The following ARAP3 variants were observed in gnomAD, a reference collection of about 807,000 sequenced individuals.
ARAP3 encodes the protein arf-GAP with Rho-GAP domain, ANK repeat and PH domain-containing protein 3.
ARAP3 carries 82 observed loss-of-function variants against 169.2 expected under a neutral mutation model. The ratio of observed to expected loss-of-function variants is 0.48; its 90% CI spans 0.41 to 0.58. ARAP3 has a LOEUF of 0.58. Ranked by LOEUF, ARAP3 falls within the 20% of genes least tolerant of loss-of-function variation. The probability of loss-of-function intolerance (pLI) is 0.00; values close to 1 mark genes in which losing one functional copy is unlikely to be tolerated. For synonymous variants in ARAP3, 791 were observed against 800.3 expected, an observed-to-expected ratio of 0.99 and a Z score of 0.20; for missense variants, 1,764 against 2,018.0, an observed-to-expected ratio of 0.87 and a Z score of 2.41.
At chr5:141,664,315 C>T (rs2099910353) in intron 19 of ARAP3, among the ~76,000 whole-genome samples, 2 of 151,984 alleles carry the variant, frequency 1.3e-5, no homozygotes, top group Admixed American at 1.3e-4. Flanking sequence ...ACCCGAGAAG[C>T]GGAGGTTGCA....
At chr5:141,675,808 T>C (rs1409991662) in intron 4 of ARAP3, among the ~76,000 whole-genome samples, 1 of 152,124 alleles carries the variant, frequency 6.6e-6, no homozygotes, top group Non-Finnish European at 1.5e-5. Flanking sequence ...CACTGAGAAA[T>C]TGAAGTAATC....
chr5:141,658,774 A>AG, intron 23 of ARAP3, 121 bp from the exon 24 acceptor site: 5 of 825,042 alleles, frequency 6.1e-6, no homozygotes, highest in South Asian at 3.8e-5. Flanking sequence ...TCCCAACCCC[A>AG]ATGTCACTCA....
At position 141,672,823 on chromosome 5, in the gene ARAP3, CCCGTGCGGA is replaced by C; in HGVS notation, c.1187_1195del (p.Leu396_Gly399delinsArg). The C allele has an allele frequency of 6.2e-7, 1 of 1,613,862 alleles. No homozygotes were observed. The highest frequency in any genetic ancestry group is 8.5e-7 in the Non-Finnish European group (1 of 1,179,904). On this transcript the variant is annotated inframe_deletion, in exon 8 of 33. Coordinates refer to ENST00000239440, the MANE Select transcript of ARAP3 (RefSeq NM_022481.6). This position sits in a 1 kb window ranked among gnomAD's most constrained non-coding sequence, Gnocchi z 4.9. ...CTTGTGTCCACGCAGCTCCAGCATG[CCCGTGCGGA>C]GGGGTCGGGGTGGTTGGGGGGGCCG...
Position 141,680,317 on chromosome 5 carries a change from C to A in ARAP3, c.170G>T (p.Arg57Leu). 2 of 1,614,246 alleles carry A rather than the reference C, an allele frequency of 1.2e-6. No homozygotes were observed. The highest frequency in any genetic ancestry group is 8.5e-7 in the Non-Finnish European group (1 of 1,180,034). ...GCCTGTCTGTAGCAGGCGTAGAATG[C>A]GTTTCCGGTGCCCTGTGGCGCTGAT... ...LGISATGHRK[R>L]ILRLLQTGTE... Residue 57 changes from arginine (R) to leucine (L), a missense_variant, in exon 2 of 33, where the codon CGC (arginine) becomes CTC (leucine). Arg to Leu is a moderately radical substitution (Grantham distance 102). Coordinates refer to ENST00000239440, the MANE Select transcript of ARAP3 (RefSeq NM_022481.6).
intron 4 of ARAP3, among the ~76,000 whole-genome samples, chr5:141,675,762 G>A (rs1247720376): frequency 6.6e-6 from 1 of 152,036 alleles, no homozygotes; most frequent in Non-Finnish European, 1.5e-5. Context: ...TACAGCTAAT[G>A]TTGAAAACTG....
intron 16 of ARAP3, among the ~76,000 whole-genome samples, chr5:141,667,995 T>C (rs1356870127): frequency 1.3e-5 from 2 of 151,614 alleles, no homozygotes; most frequent in African/African-American, 2.4e-5. Flanking sequence ...TGAGCCAAGA[T>C]CTCTTCACCG....
At position 141,672,461 on chromosome 5, in the gene ARAP3, G is replaced by C; in HGVS notation, c.1385+91C>G. On this transcript the variant is annotated intron_variant, in intron 9 of 32. Coordinates refer to ENST00000239440, the MANE Select transcript of ARAP3 (RefSeq NM_022481.6). The surrounding 1 kb of genome is among the most constrained non-coding windows in gnomAD (Gnocchi z 4.9). ...GGACTACCATCTGTGCATACCCTCTGACGTCCTACTAAAGAGGCCTCTAGT... is the reference window on the plus strand; with the variant it reads ...GGACTACCATCTGTGCATACCCTCTCACGTCCTACTAAAGAGGCCTCTAGT... The C allele has an allele frequency of 2.7e-6, 4 of 1,503,368 alleles. No individual in the cohort carries two copies. Among genetic ancestry groups the C allele is most frequent in the Non-Finnish European group, 3.6e-6 (4 of 1,102,868 alleles). 93.1% of individuals were successfully genotyped at this position (1,503,368 alleles called of 1,614,324 possible).
rs148461016 is a variant in ARAP3 at position 141,653,757 on chromosome 5, G to C, written c.*193C>G. 2.8e-3 allele frequency: 1,648 copies of C among 596,656 alleles called. 27 individuals are homozygous for C. The African/African-American group carries it at 0.028, about 10-fold the overall frequency. 37.0% of individuals were successfully genotyped at this position (596,656 alleles called of 1,614,324 possible). A position where few individuals can be genotyped will look rare whatever the true frequency, so the allele number is the denominator to read the frequency against. On this transcript the variant is annotated 3_prime_UTR_variant, in exon 33 of 33. Transcript: ENST00000239440. ...AGTTACCTCATGGTATAGATAAATG[G>C]GCTGGGCCCAGAGAGGGGCCATGAC...
In ARAP3 at chr5:141,671,540, C is replaced by A; in HGVS notation, c.1854+30G>T. ...AGAGAGTGTTTCCTGACCCCCCCAC[C>A]CCAGATCACCCCTGCTCTGTCCCTC... is the stretch of plus-strand genomic sequence containing the variant. On this transcript the variant is annotated intron_variant, in intron 12 of 32. Coordinates refer to ENST00000239440, the MANE Select transcript of ARAP3 (RefSeq NM_022481.6). The surrounding 1 kb of genome is among the most constrained non-coding windows in gnomAD (Gnocchi z 4.9). 6.2e-7 allele frequency: 1 copy of A among 1,612,608 alleles called. No homozygotes were observed.
rs113496961 is a variant in ARAP3, at chr5:141,665,757, G to A, written c.2573-383C>T. Among the ~76,000 whole-genome samples the A allele has an allele frequency of 3.3e-5, 5 of 152,192 alleles. 2 individuals carry two copies. The highest frequency in any genetic ancestry group is 9.6e-5 in the African/African-American group (4 of 41,508). On this transcript the variant is annotated intron_variant, in intron 17 of 32. Coordinates refer to ENST00000239440, the MANE Select transcript of ARAP3 (RefSeq NM_022481.6). ...TAATAATAATATTTATAGACCGGGC[G>A]CAGTGGCTCACTCCTGTAATCCCAG...
chr5:141,679,237 C>G (rs955665822), intron 4 of ARAP3, among the ~76,000 whole-genome samples: 1 of 152,056 alleles, frequency 6.6e-6, no homozygotes, highest in Non-Finnish European at 1.5e-5. Context: ...TGCAGTGAGC[C>G]GAGATTGTGC....
chr5:141,662,140 A>G lies in ARAP3; in HGVS notation c.2916T>C (p.Phe972=), dbSNP rs768571736. 6.2e-7 allele frequency: 1 copy of G among 1,614,204 alleles called. No individual in the cohort carries two copies. The highest frequency in any genetic ancestry group is 8.5e-7 in the Non-Finnish European group (1 of 1,180,040). The stretch of plus-strand genomic sequence containing the variant: ...TGAGTGTGTCAGTGACATCCTCCAC[A>G]AAGTGCTCCCCTGGTCGGAGCTTCA... ...RSVKLRPGEH[F]VEDVTDTLKR... The change falls in exon 20 of 33, where the codon TTT becomes TTC. Residue 972 remains phenylalanine (F), a synonymous_variant. Coordinates refer to ENST00000239440, the MANE Select transcript of ARAP3 (RefSeq NM_022481.6).
chr5:141,679,739 C>A (rs1036129955), intron 3 of ARAP3, 22 bp downstream of exon 3: 1 of 1,614,038 alleles, frequency 6.2e-7, no homozygotes, highest in Non-Finnish European at 8.5e-7. Flanking sequence ...CCCTCTCCCC[C>A]AACCCGTGAT....
In ARAP3 at chr5:141,671,578, G is replaced by C; in HGVS notation, c.1846C>G (p.Leu616Val). 1.2e-6 allele frequency: 2 copies of C among 1,614,022 alleles called. No homozygotes were observed. Among genetic ancestry groups the C allele is most frequent in the Non-Finnish European group, 1.7e-6 (2 of 1,179,942 alleles). The change falls in exon 12 of 33, where the codon CTT (leucine) becomes GTT (valine). Residue 616 changes from leucine to valine, a missense_variant. Around this residue, in one of 3 missense-constraint regions of ARAP3, gnomAD observed 1,112 missense variants for 1,285.7 expected, o/e 0.86. Coordinates refer to ENST00000239440, the MANE Select transcript of ARAP3 (RefSeq NM_022481.6). The surrounding 1 kb of genome is among the most constrained non-coding windows in gnomAD (Gnocchi z 4.9). ...TGCTCTGTCCCTCCTACCTGGAGAA[G>C]CTGGCTATGATCTGGGTACTGAGGG... ...PHPQYPDHSQLLQALCAAVAR... is the reference protein window; with the variant it reads ...PHPQYPDHSQVLQALCAAVAR...
rs943648684 is a variant in ARAP3 at position 141,670,030 on chromosome 5, G to C, written c.2141C>G (p.Ala714Gly). Residue 714 changes from alanine to glycine, a missense_variant, in exon 15 of 33, where the codon GCT (alanine) becomes GGT (glycine). Physicochemically the swap from Ala to Gly is moderately conservative, Grantham distance 60 (BLOSUM62 0). Coordinates refer to ENST00000239440, the MANE Select transcript of ARAP3 (RefSeq NM_022481.6). ...PPRLWCVLGAALEMFASENSP... is the reference protein window; with the variant it reads ...PPRLWCVLGAGLEMFASENSP... ...GTTTTCCGATGCAAACATTTCCAGA[G>C]CTGCTCCCAGCACACACCAAAGGCG... The C allele has an allele frequency of 1.3e-6, 2 of 1,598,928 alleles. No individual in the cohort carries two copies. Among genetic ancestry groups the C allele is most frequent in the African/African-American group, 2.7e-5 (2 of 73,562 alleles).
chr5:141,655,353 A>G lies in ARAP3; in HGVS notation c.4149+9T>C. The G allele has an allele frequency of 2.5e-6, 4 of 1,575,980 alleles. No homozygotes were observed. The highest frequency in any genetic ancestry group is 3.4e-6 in the Non-Finnish European group (4 of 1,160,364). On this transcript the variant is annotated intron_variant, in intron 32 of 32. Coordinates refer to ENST00000239440, the MANE Select transcript of ARAP3 (RefSeq NM_022481.6). Reference sequence around the variant, plus strand: ...ACAGGCACACCGCTGGAGCAGGCACAATACTCACAAAGAACATGGACAGGG... The same window carrying G: ...ACAGGCACACCGCTGGAGCAGGCACGATACTCACAAAGAACATGGACAGGG...
intron 30 of ARAP3, 32 bp from the exon 31 acceptor site, chr5:141,655,790 G>C: frequency 6.2e-7 from 1 of 1,614,138 alleles, no homozygotes; most frequent in Non-Finnish European, 8.5e-7. Flanking sequence ...GGCATCAGTG[G>C]GCATGAAAGG....
rs2099908862 is a variant in ARAP3 at position 141,653,990 on chromosome 5, G to A, written c.4595C>T (p.Pro1532Leu). Reference protein sequence around the residue: ...TQTPGFPTQPPCTSSPPSSQP... With the variant: ...TQTPGFPTQPLCTSSPPSSQP... ...GCTGGAGGGTGGACTGGAAGTGCATGGGGGTTGGGTGGGGAAGCCAGGTGT... is the reference window on the plus strand; with the variant it reads ...GCTGGAGGGTGGACTGGAAGTGCATAGGGGTTGGGTGGGGAAGCCAGGTGT... Residue 1532 changes from proline (P) to leucine (L), a missense_variant, in exon 33 of 33, where the codon CCA (proline) becomes CTA (leucine). Pro to Leu is a moderately conservative substitution (Grantham distance 98). Around this residue, in one of 3 missense-constraint regions of ARAP3, gnomAD observed 1,112 missense variants for 1,285.7 expected, o/e 0.86. Transcript: ENST00000239440. 8 of 1,550,212 alleles carry A rather than the reference G, an allele frequency of 5.2e-6. No homozygotes were observed. Among genetic ancestry groups the A allele is most frequent in the African/African-American group, 1.4e-5 (1 of 72,814 alleles).
chr5:141,656,229 G>A lies in ARAP3; in HGVS notation c.3837C>T (p.Tyr1279=). The change falls in exon 28 of 33, where the codon TAC becomes TAT. Residue 1279 remains tyrosine (Y), a synonymous_variant. Transcript: ENST00000239440. ...GCTTTAACTTCTTGCGGATTCCCAG[G>A]TAGACCTTGGCACCTTCCAAAGGCC... The part of the protein sequence containing the change: ...REWPLEGAKV[Y]LGIRKKLKPP... 3 of 1,614,136 alleles carry A rather than the reference G, an allele frequency of 1.9e-6. No individual in the cohort carries two copies. The highest frequency in any genetic ancestry group is 1.7e-6 in the Non-Finnish European group (2 of 1,180,024).
Sources: gnomAD v4.1 joint callset for allele counts (sites outside exome capture counted in the v4.1 genomes callset) on GRCh38, gnomAD v4.1.1 for gene constraint, gnomAD v4.1.1 regional missense constraint, Gnocchi (gnomAD v3.1) non-coding constraint, MANE v1.5 for transcripts, NCBI Gene and HGNC (gene_info 2026-07-23, HGNC 2026-07-21) for gene names.